Variants in FLT3 observed in about 807,000 individuals in gnomAD.
FLT3 encodes receptor-type tyrosine-protein kinase FLT3.
Under a neutral mutation model 126.6 loss-of-function variants are expected in FLT3, and 46 were observed. The observed-to-expected ratio is 0.36, with a 90% confidence interval of 0.29 to 0.46. The LOEUF (loss-of-function observed/expected upper bound fraction) is 0.46, where lower values mean the gene tolerates loss of function less well. Ranked by LOEUF, FLT3 falls within the 20% of genes least tolerant of loss-of-function variation. The probability of loss-of-function intolerance (pLI) is 1.00; values close to 1 mark genes in which losing one functional copy is unlikely to be tolerated. For synonymous variants in FLT3, 404 were observed against 434.4 expected (o/e 0.93, Z 0.87); for missense variants, 1,069 against 1,190.3 (o/e 0.90, Z 1.50).
chr13:28,008,874 C>G (rs764624491), intron 23 of FLT3, among the ~76,000 whole-genome samples: 14 of 152,122 alleles, frequency 9.2e-5, no homozygotes, highest in Non-Finnish European at 1.9e-4. Context: ...CATTCACTAA[C>G]AATGCATGTT....
At chr13:28,060,421 C>CA (rs11326702) in intron 3 of FLT3, among the ~76,000 whole-genome samples, 29 of 95,302 alleles carry the variant, frequency 3.0e-4, no homozygotes, top group Admixed American at 1.1e-3. Flanking sequence ...AACTCTGCCT[C>CA]AAAAAAAAAA....
intron 17 of FLT3, among the ~76,000 whole-genome samples, chr13:28,025,567 G>A (rs545510547): frequency 2.3e-3 from 350 of 152,172 alleles, no homozygotes; most frequent in African/African-American, 8.0e-3. Context: ...ATATCTTTAG[G>A]AAATGGCTTC....
chr13:28,029,340 C>T (rs1873109266), intron 15 of FLT3, among the ~76,000 whole-genome samples: 1 of 147,536 alleles, frequency 6.8e-6, no homozygotes, highest in Non-Finnish European at 1.5e-5. Context: ...TGCAGTGAGC[C>T]GAGATTGAGC....
At chr13:28,086,166 CT>C (rs1226203300) in intron 1 of FLT3, among the ~76,000 whole-genome samples, 1 of 152,074 alleles carries the variant, frequency 6.6e-6, no homozygotes, top group South Asian at 2.1e-4. Flanking sequence ...TCTTTCTTCT[CT>C]TTTTTCTGCC....
chr13:28,071,695 G>A (rs1877534780), intron 1 of FLT3, among the ~76,000 whole-genome samples: 1 of 152,118 alleles, frequency 6.6e-6, no homozygotes, highest in Admixed American at 6.6e-5. Context: ...ACTCCCCAGA[G>A]AAGATTCTCT....
chr13:28,057,483 CTAGT>C (rs1876116016), intron 3 of FLT3, 21 bp from the exon 4 acceptor site: 1 of 1,128,086 alleles, frequency 8.9e-7, no homozygotes, highest in African/African-American at 1.5e-5. Flanking sequence ...GGAAAGAGAA[CTAGT>C]TATTTTGGAA....
intron 9 of FLT3, among the ~76,000 whole-genome samples, chr13:28,041,564 C>T (rs7328699): frequency 0.078 from 11,822 of 152,260 alleles, 651 homozygotes; most frequent in Middle Eastern, 0.16. Flanking sequence ...AAATTGGTCA[C>T]ATAAATAGCA....
At chr13:28,025,705 G>C (rs1872734946) in intron 17 of FLT3, among the ~76,000 whole-genome samples, 1 of 152,176 alleles carries the variant, frequency 6.6e-6, no homozygotes, top group Admixed American at 6.5e-5. Flanking sequence ...GACTCAGTAG[G>C]ATAGCCCCTC....
chr13:28,055,039 G>A (rs904211120), intron 4 of FLT3, among the ~76,000 whole-genome samples: 1 of 152,108 alleles, frequency 6.6e-6, no homozygotes, highest in East Asian at 1.9e-4. Context: ...TGAACTGCAA[G>A]TATTTTTTCC....
At chr13:28,015,400 G>A (rs1871751205) in intron 21 of FLT3, 144 bp from the exon 22 acceptor site, 9 of 736,938 alleles carry the variant, frequency 1.2e-5, no homozygotes, top group Admixed American at 9.5e-5. Flanking sequence ...AAGAAGTCAC[G>A]GTTCACGCTC....
chr13:28,065,327 T>C (rs1039886859), intron 2 of FLT3, among the ~76,000 whole-genome samples: 6 of 152,124 alleles, frequency 3.9e-5, no homozygotes, highest in Admixed American at 3.3e-4. Flanking sequence ...TCATGTCATG[T>C]CTCAAAAAAC....
At position 28,088,521 on chromosome 13, in the gene FLT3, C is replaced by A. The variant is rs7338206; in HGVS notation, c.43+11947G>T. ...CAGGCTGGTCTTGAACTGCTGACCT[C>A]AGGTGATCCACCTGCCTTGGCCTCC... On this transcript the variant is annotated intron_variant, in intron 1 of 23. Coordinates refer to ENST00000241453, the MANE Select transcript of FLT3 (RefSeq NM_004119.3). 3.1e-3 allele frequency among the ~76,000 whole-genome samples: 471 copies of A among 149,646 alleles called. 2 individuals are homozygous for A. The highest frequency in any genetic ancestry group is 0.011 in the African/African-American group (438 of 40,684).
At chr13:28,080,286 G>A (rs1878233950) in intron 1 of FLT3, among the ~76,000 whole-genome samples, 1 of 152,372 alleles carries the variant, frequency 6.6e-6, no homozygotes, top group East Asian at 1.9e-4. Flanking sequence ...TGAGGCACCA[G>A]AATTGCTTGA....
At chr13:28,006,637 C>T (rs1870922443) in intron 23 of FLT3, among the ~76,000 whole-genome samples, 2 of 151,156 alleles carry the variant, frequency 1.3e-5, no homozygotes, top group South Asian at 4.1e-4. Flanking sequence ...CTAGAACCAT[C>T]TCTGACAATC....
chr13:28,064,767 A>G (rs1158844780), intron 2 of FLT3, among the ~76,000 whole-genome samples: 1 of 152,154 alleles, frequency 6.6e-6, no homozygotes, highest in Admixed American at 6.6e-5. Flanking sequence ...TGCTGGGGGA[A>G]CACACCCTGC....
intron 5 of FLT3, 35 bp downstream of exon 5, chr13:28,052,510 T>A (rs1418488453): frequency 3.2e-6 from 5 of 1,572,500 alleles, no homozygotes; most frequent in Non-Finnish European, 3.5e-6. Context: ...CAAAAGGAAA[T>A]TATGAGAATA....
chr13:28,068,543 T>C (rs1304619097), intron 2 of FLT3, among the ~76,000 whole-genome samples: 1 of 151,100 alleles, frequency 6.6e-6, no homozygotes, highest in Non-Finnish European at 1.5e-5. Flanking sequence ...TATATATATA[T>C]GAGATATATA....
rs1035571011 is a variant in FLT3, at chr13:28,034,190, G to A, written c.1729C>T (p.Gln577Ter). 2 of 1,614,046 alleles carry A rather than the reference G, an allele frequency of 1.2e-6. No homozygotes were observed. The highest frequency in any genetic ancestry group is 8.5e-7 in the Non-Finnish European group (1 of 1,179,940). The part of the protein sequence containing the change: ...KKQFRYESQL[Q>*]MVQVTGSSDN... The stretch of plus-strand genomic sequence containing the variant: ...GAGGAGCCGGTCACCTGTACCATCT[G>A]TAGCTGGCTTTCATACCTAAATTGC... The change falls in exon 14 of 24, where the codon CAG (glutamine) becomes TAG (stop). Residue 577 changes from glutamine (Q) to a stop codon, truncating the protein, a stop_gained. Coordinates refer to ENST00000241453, the MANE Select transcript of FLT3 (RefSeq NM_004119.3). LOFTEE classifies it high-confidence loss of function.
In FLT3 at chr13:28,035,964, G is replaced by C. The variant is rs1185646951; in HGVS notation, c.1389C>G (p.Thr463=). 2 of 1,613,908 alleles carry C rather than the reference G, an allele frequency of 1.2e-6. No individual in the cohort carries two copies. The highest frequency in any genetic ancestry group is 3.3e-5 in the Admixed American group (2 of 59,996). ...FSDGYPLPSW[T]WKKCSDKSPN... Reference sequence around the variant, plus strand: ...GAGACTTGTCTGAACACTTCTTCCAGGTCCAAGATGGTAATGGGTATCCAT... The same window carrying C: ...GAGACTTGTCTGAACACTTCTTCCACGTCCAAGATGGTAATGGGTATCCAT... The change falls in exon 11 of 24, where the codon ACC becomes ACG. Residue 463 remains threonine, a synonymous_variant. Transcript: ENST00000241453.
Sources: allele counts gnomAD v4.1 joint callset (sites outside exome capture counted in the v4.1 genomes callset), GRCh38; gene constraint gnomAD v4.1.1; transcripts MANE v1.5; gene names NCBI Gene and HGNC (gene_info 2026-07-23, HGNC 2026-07-21).